Variants in TTLL7 observed in about 807,000 individuals in gnomAD.
The protein encoded by TTLL7 is tubulin polyglutamylase TTLL7.
A neutral mutation model predicts 120.2 loss-of-function variants in TTLL7; 53 were observed. The observed-to-expected ratio is 0.44, with a 90% confidence interval of 0.35 to 0.55. The LOEUF (loss-of-function observed/expected upper bound fraction) is 0.55. TTLL7 is among the 20% of genes least tolerant of loss of function. The pLI, the probability that TTLL7 is intolerant of heterozygous loss-of-function variation, is 0.00. For missense variants in TTLL7, 803 were observed against 1,054.7 expected (o/e 0.76, Z 3.31); for synonymous variants, 353 against 351.7 (o/e 1.00, Z -0.04).
intron 1 of TTLL7, among the ~76,000 whole-genome samples, chr1:83,998,253 CGATATATAAAAGTAAGTGCCTAG>C (rs544520536): frequency 6.6e-6 from 1 of 152,224 alleles, no homozygotes; most frequent in African/African-American, 2.4e-5. Context: ...TAATAAAATA[CGATATATAAAAGTAAGTGCCTAG>C]GCTATGAAGG....
chr1:83,911,467 C>G, intron 14 of TTLL7, 104 bp from the exon 15 acceptor site: 1 of 920,552 alleles, frequency 1.1e-6, no homozygotes, highest in Non-Finnish European at 1.6e-6. Context: ...CTGCTTTTTA[C>G]TGAAGGTTGA....
At chr1:83,906,751 T>C (rs145699297) in intron 16 of TTLL7, among the ~76,000 whole-genome samples, 2 of 152,166 alleles carry the variant, frequency 1.3e-5, no homozygotes, top group African/African-American at 4.8e-5. Context: ...TTGCTACATA[T>C]ACCTTAGGCA....
At chr1:83,870,682 A>T (rs1204305358) in intron 20 of TTLL7, among the ~76,000 whole-genome samples, 1 of 151,930 alleles carries the variant, frequency 6.6e-6, no homozygotes, top group Non-Finnish European at 1.5e-5. Flanking sequence ...AGGCTGAGGC[A>T]GGCGGGTCAT....
chr1:83,887,297 G>A (rs1655047943), intron 19 of TTLL7: 4 of 1,052,766 alleles, frequency 3.8e-6, no homozygotes, highest in Non-Finnish European at 3.8e-6. Context: ...GTGAAAGAAA[G>A]TTGAACCTTA....
chr1:83,923,019 A>T (rs1399442453), intron 10 of TTLL7, among the ~76,000 whole-genome samples: 2 of 150,718 alleles, frequency 1.3e-5, no homozygotes, highest in Admixed American at 1.3e-4. Flanking sequence ...ACTTGTGATG[A>T]CACCAAGAGT....
intron 7 of TTLL7, among the ~76,000 whole-genome samples, chr1:83,940,055 C>T (rs1647801169): frequency 6.6e-6 from 1 of 152,034 alleles, no homozygotes; most frequent in Non-Finnish European, 1.5e-5. Context: ...ACTGACACTG[C>T]AGTATGAGAA....
intron 18 of TTLL7, among the ~76,000 whole-genome samples, chr1:83,892,775 T>TGAACATATATATGAGCGCATATGA (rs1655800847): frequency 6.7e-6 from 1 of 150,318 alleles, no homozygotes; most frequent in African/African-American, 2.5e-5. Flanking sequence ...AGCGCATATG[T>TGAACATATATATGAGCGCATATGA]GAACATATAT....
chr1:83,980,996 C>T (rs1651901329), intron 1 of TTLL7: 2 of 151,608 alleles, frequency 1.3e-5, no homozygotes, highest in African/African-American at 4.8e-5. Context: ...AGGCCAACCA[C>T]TAAGAAAACT....
At chr1:83,963,657 G>A (rs1650204477) in intron 1 of TTLL7, among the ~76,000 whole-genome samples, 1 of 152,038 alleles carries the variant, frequency 6.6e-6, no homozygotes, top group Non-Finnish European at 1.5e-5. Context: ...ACAACTGGCT[G>A]CTAGGTAGCA....
intron 1 of TTLL7, among the ~76,000 whole-genome samples, chr1:83,970,183 T>C (rs924159462): frequency 6.6e-6 from 1 of 152,084 alleles, no homozygotes; most frequent in Admixed American, 6.6e-5. Context: ...AGGATTATGA[T>C]TGTGAATTAC....
chr1:83,952,196 G>GA lies in TTLL7; in HGVS notation c.15dup (p.Gln6SerfsTer46). ...AAGTCAATTTCCCTACCTCCTTCTT[G>GA]AGGCAGAGATGGCATTATTGCCTGT... On this transcript the variant is annotated frameshift_variant, in exon 2 of 21. Transcript: ENST00000260505. LOFTEE classifies it high-confidence loss of function. The GA allele has an allele frequency of 6.2e-7, 1 of 1,613,842 alleles. No homozygotes were observed.
At chr1:83,906,931 C>CT (rs1657243968) in intron 16 of TTLL7, among the ~76,000 whole-genome samples, 1 of 151,976 alleles carries the variant, frequency 6.6e-6, no homozygotes, top group Admixed American at 6.6e-5. Flanking sequence ...AAAAGTAAGC[C>CT]TTCTTACAAA....
intron 18 of TTLL7, among the ~76,000 whole-genome samples, chr1:83,903,614 ACT>A (rs1656924420): frequency 6.6e-6 from 1 of 152,066 alleles, no homozygotes. Context: ...ACTTATAATT[ACT>A]TATAATATCT....
At chr1:83,920,153 A>G (rs1171117559) in intron 12 of TTLL7, among the ~76,000 whole-genome samples, 2 of 152,148 alleles carry the variant, frequency 1.3e-5, no homozygotes, top group Non-Finnish European at 2.9e-5. Flanking sequence ...TTTTCAGTCT[A>G]TTCATTAATA....
chr1:83,955,782 AG>A lies in TTLL7; in HGVS notation c.-176-3396del, dbSNP rs543745947. Reference sequence around the variant, plus strand: ...ATAATCCCAATACTTTGGGAGGCCTAGGCAGGAGGATCACTTGAGACCAGGA... The same window carrying A: ...ATAATCCCAATACTTTGGGAGGCCTAGCAGGAGGATCACTTGAGACCAGGA... On this transcript the variant is annotated intron_variant, in intron 1 of 20. Transcript: ENST00000260505. Among the ~76,000 whole-genome samples the A allele has an allele frequency of 5.4e-3, 817 of 152,272 alleles. 4 individuals are homozygous for A. Among genetic ancestry groups the A allele is most frequent in the Middle Eastern group, 0.014 (4 of 292 alleles).
At chr1:83,927,890 C>A (rs1318127491) in intron 10 of TTLL7, among the ~76,000 whole-genome samples, 1 of 152,124 alleles carries the variant, frequency 6.6e-6, no homozygotes, top group Non-Finnish European at 1.5e-5. Context: ...ACCCATGGAG[C>A]TCTCCACCCA....
chr1:83,940,125 T>A (rs1048072280), intron 7 of TTLL7, among the ~76,000 whole-genome samples: 2 of 152,092 alleles, frequency 1.3e-5, no homozygotes, highest in African/African-American at 2.4e-5. Context: ...GAAGAGCACA[T>A]AGCAAAATGA....
intron 14 of TTLL7, among the ~76,000 whole-genome samples, chr1:83,911,883 G>T (rs1054983203): frequency 2.0e-5 from 3 of 151,776 alleles, no homozygotes; most frequent in Non-Finnish European, 4.4e-5. Context: ...GAGAAAGAGA[G>T]ACAAAAAGGA....
intron 8 of TTLL7, among the ~76,000 whole-genome samples, chr1:83,934,997 G>T (rs1571235351): frequency 6.6e-6 from 1 of 151,976 alleles, no homozygotes; most frequent in East Asian, 1.9e-4. Flanking sequence ...CCACTACCTG[G>T]TGGAACAATA....
Sources: allele counts gnomAD v4.1 joint callset (sites outside exome capture counted in the v4.1 genomes callset), GRCh38; gene constraint gnomAD v4.1.1; transcripts MANE v1.5; gene names NCBI Gene and HGNC (gene_info 2026-07-23, HGNC 2026-07-21).